Variants in ZMYND8 observed in about 807,000 individuals in gnomAD.
ZMYND8 encodes MYND-type zinc finger-containing chromatin reader ZMYND8.
A neutral mutation model predicts 140.8 loss-of-function variants in ZMYND8; 37 were observed. The observed-to-expected ratio is 0.26, with a 90% CI of 0.20 to 0.35. The LOEUF (loss-of-function observed/expected upper bound fraction) is 0.35, where lower values mean the gene tolerates loss of function less well. Ranked by LOEUF, ZMYND8 falls within the 10% of genes least tolerant of loss-of-function variation. The pLI, the probability that ZMYND8 is intolerant of heterozygous loss-of-function variation, is 1.00. For synonymous variants in ZMYND8, 592 were observed against 597.1 expected, an observed-to-expected ratio of 0.99 and a Z score of 0.12; for missense variants, 1,068 against 1,570.0, an observed-to-expected ratio of 0.68 and a Z score of 5.40.
intron 11 of ZMYND8, among the ~76,000 whole-genome samples, chr20:47,274,518 T>C (rs1033857769): frequency 2.6e-5 from 4 of 152,258 alleles, no homozygotes; most frequent in African/African-American, 9.6e-5. Flanking sequence ...TTAAGTACCA[T>C]GTTTTGTGAA....
chr20:47,214,119 C>G (rs755153181), intron 21 of ZMYND8, among the ~76,000 whole-genome samples: 3 of 152,176 alleles, frequency 2.0e-5, no homozygotes, highest in Non-Finnish European at 4.4e-5. Context: ...GAAGCCTTGA[C>G]GTTTTTAAAA....
intron 5 of ZMYND8, among the ~76,000 whole-genome samples, chr20:47,294,383 C>A (rs557899298): frequency 1.2e-4 from 17 of 147,192 alleles, no homozygotes; most frequent in African/African-American, 3.3e-4. Context: ...AAAAAAAAAA[C>A]CTCTTTTCTT....
intron 12 of ZMYND8, among the ~76,000 whole-genome samples, chr20:47,262,071 C>CA (rs879477671): frequency 2.0e-4 from 28 of 142,550 alleles, no homozygotes; most frequent in East Asian, 4.0e-4. Context: ...AACTCCATCT[C>CA]AAAAAAAAAA....
intron 2 of ZMYND8, among the ~76,000 whole-genome samples, chr20:47,330,003 G>A (rs2080797169): frequency 6.6e-6 from 1 of 152,106 alleles, no homozygotes; most frequent in Non-Finnish European, 1.5e-5. Flanking sequence ...GGCAATTTAA[G>A]GTACTTTGAA....
chr20:47,356,521 T>A, intron 1 of ZMYND8, 136 bp downstream of exon 1: 2 of 1,609,604 alleles, frequency 1.2e-6, no homozygotes, highest in Non-Finnish European at 1.7e-6. Context: ...AAATTCTCTC[T>A]AAACAGTTCC....
At chr20:47,275,485 C>T (rs1210994771) in intron 11 of ZMYND8, among the ~76,000 whole-genome samples, 7 of 135,188 alleles carry the variant, frequency 5.2e-5, no homozygotes, top group Admixed American at 4.5e-4. Flanking sequence ...CAGAGCGAGA[C>T]TATGTCTCCA....
chr20:47,215,907 G>A (rs2036022821), intron 21 of ZMYND8, among the ~76,000 whole-genome samples: 1 of 152,224 alleles, frequency 6.6e-6, no homozygotes, highest in Non-Finnish European at 1.5e-5. Flanking sequence ...TATTGGAGAT[G>A]CAAGGTGTCA....
At chr20:47,337,957 C>T (rs1242631095) in intron 2 of ZMYND8, among the ~76,000 whole-genome samples, 1 of 152,010 alleles carries the variant, frequency 6.6e-6, no homozygotes, top group Non-Finnish European at 1.5e-5. Context: ...TGAAAGGTCA[C>T]ATGGACTAGA....
Position 47,246,067 on chromosome 20 carries a change from G to C in ZMYND8, c.2225C>G (p.Ser742Cys). The change falls in exon 14 of 23, where the codon TCT becomes TGT. Residue 742 changes from serine (S) to cysteine (C), a missense_variant. Physicochemically the swap from Ser to Cys is moderately radical, Grantham distance 112 (BLOSUM62 -1). Coordinates refer to ENST00000471951, the MANE Select transcript of ZMYND8 (RefSeq NM_001281775.3). ...ELVIDLGEDH[S>C]GREGRKNKKE... ...CTTATTTTTTCGACCCTCCCGCCCA[G>C]AATGGTCTTCTCCTAAATCTATGAC... is the stretch of plus-strand genomic sequence containing the variant. The C allele has an allele frequency of 1.9e-6, 3 of 1,613,956 alleles. No individual in the cohort carries two copies. Among genetic ancestry groups the C allele is most frequent in the Non-Finnish European group, 1.7e-6 (2 of 1,179,976 alleles).
At position 47,211,366 on chromosome 20, in the gene ZMYND8, A is replaced by G. The variant is rs373795362; in HGVS notation, c.3569-469T>C. Among the ~76,000 whole-genome samples the G allele has an allele frequency of 6.6e-5, 10 of 152,328 alleles. No homozygotes were observed. In the East Asian group the frequency reaches 7.7e-4, roughly 12 times the overall value. ...TAGGCAACTTGAAAAATGGCCTTAC[A>G]ACCAAATCACACTTGTCCACCCAAG... On this transcript the variant is annotated intron_variant, in intron 22 of 22. Coordinates refer to ENST00000471951, the MANE Select transcript of ZMYND8 (RefSeq NM_001281775.3).
chr20:47,314,155 T>C (rs989636794), intron 2 of ZMYND8, among the ~76,000 whole-genome samples: 3 of 152,068 alleles, frequency 2.0e-5, no homozygotes, highest in Non-Finnish European at 4.4e-5. Flanking sequence ...TATTTTCCAC[T>C]CTATACCCTT....
At chr20:47,270,716 A>AAAG (rs1487264573) in intron 11 of ZMYND8, among the ~76,000 whole-genome samples, 62 of 139,286 alleles carry the variant, frequency 4.5e-4, no homozygotes, top group Non-Finnish European at 5.3e-4. Context: ...AAAAAAAAAA[A>AAAG]AAAGAAAGAA....
chr20:47,348,083 T>C (rs1385727063), intron 1 of ZMYND8, 157 bp from the exon 2 acceptor site: 15 of 726,800 alleles, frequency 2.1e-5, no homozygotes, highest in Middle Eastern at 4.6e-4. Flanking sequence ...TTCAACAAAG[T>C]GTGAAGAGTC....
intron 18 of ZMYND8, among the ~76,000 whole-genome samples, chr20:47,225,528 G>A (rs2037553021): frequency 7.2e-6 from 1 of 138,526 alleles, no homozygotes; most frequent in Non-Finnish European, 1.5e-5. Flanking sequence ...ACTCCAGCCT[G>A]GACAACAAGA....
chr20:47,294,837 G>A (rs911731013), intron 4 of ZMYND8, 58 bp from the exon 5 acceptor site: 18 of 1,476,156 alleles, frequency 1.2e-5, no homozygotes, highest in Non-Finnish European at 1.5e-5. Flanking sequence ...TACCATCCAT[G>A]TACTGATTTC....
At chr20:47,255,722 G>GTGTATGTA (rs1458176502) in intron 12 of ZMYND8, among the ~76,000 whole-genome samples, 2 of 77,774 alleles carry the variant, frequency 2.6e-5, no homozygotes, top group East Asian at 6.5e-4. Context: ...GTGTATGTGT[G>GTGTATGTA]TATATATATA....
chr20:47,286,401 A>G (rs997294892), intron 8 of ZMYND8, among the ~76,000 whole-genome samples: 1 of 150,682 alleles, frequency 6.6e-6, no homozygotes, highest in Admixed American at 6.6e-5. Flanking sequence ...CTGGTCTTGA[A>G]CTCCTGGACT....
At chr20:47,270,012 G>C (rs6063094) in intron 11 of ZMYND8, among the ~76,000 whole-genome samples, 36,493 of 152,072 alleles carry the variant, frequency 0.24, 4,741 homozygotes, top group Non-Finnish European at 0.3. Context: ...GGGAGGCTGA[G>C]GCAGGCAGAT....
At chr20:47,348,079 A>G (rs765188729) in intron 1 of ZMYND8, 153 bp from the exon 2 acceptor site, 3 of 746,904 alleles carry the variant, frequency 4.0e-6, no homozygotes, top group East Asian at 2.7e-5. Context: ...TGATTTCAAC[A>G]AAGTGTGAAG....
Sources: gnomAD v4.1 joint callset for allele counts (sites outside exome capture counted in the v4.1 genomes callset) on GRCh38, gnomAD v4.1.1 for gene constraint, MANE v1.5 for transcripts, NCBI Gene and HGNC (gene_info 2026-07-23, HGNC 2026-07-21) for gene names.